SH3GL2: variants seen among roughly 807,000 people sequenced by gnomAD.
SH3GL2 encodes endophilin-A1.
In SH3GL2, 24 loss-of-function variants were observed where a neutral mutation model predicts 46.0. The ratio of observed to expected loss-of-function variants is 0.52; its 90% CI spans 0.38 to 0.73. SH3GL2 has a LOEUF of 0.73. SH3GL2 is among the 30% of genes least tolerant of loss of function. SH3GL2 has a pLI of 0.00. For synonymous variants in SH3GL2, 196 were observed against 147.1 expected (o/e 1.33, Z -2.40); for missense variants, 413 against 424.2 (o/e 0.97, Z 0.23).
At chr9:17,672,204 A>G (rs774489129) in intron 1 of SH3GL2, among the ~76,000 whole-genome samples, 5 of 152,178 alleles carry the variant, frequency 3.3e-5, no homozygotes, top group African/African-American at 7.2e-5. Flanking sequence ...GTGCATACAG[A>G]TATGTATGTA....
intron 1 of SH3GL2, among the ~76,000 whole-genome samples, chr9:17,654,371 G>T (rs993025933): frequency 2.6e-5 from 4 of 152,090 alleles, no homozygotes; most frequent in Admixed American, 6.6e-5. Flanking sequence ...GGGGATTGTC[G>T]TATTGTTTTG....
chr9:17,694,748 A>G (rs554604170), intron 1 of SH3GL2, among the ~76,000 whole-genome samples: 1 of 152,278 alleles, frequency 6.6e-6, no homozygotes, highest in South Asian at 2.1e-4. Flanking sequence ...GTAAAATGGG[A>G]ATGGTGATTT....
intron 1 of SH3GL2, among the ~76,000 whole-genome samples, chr9:17,580,071 A>G (rs1048448458): frequency 3.9e-5 from 6 of 152,196 alleles, no homozygotes; most frequent in Non-Finnish European, 8.8e-5. Flanking sequence ...AATAAAACTG[A>G]TTAATTTAGA....
chr9:17,602,041 C>T (rs937607198), intron 1 of SH3GL2, among the ~76,000 whole-genome samples: 1 of 152,200 alleles, frequency 6.6e-6, no homozygotes, highest in Non-Finnish European at 1.5e-5. Context: ...AAACTTAACT[C>T]TTCCTTCCCG....
chr9:17,728,444 A>T (rs1822080430), intron 1 of SH3GL2, among the ~76,000 whole-genome samples: 1 of 151,822 alleles, frequency 6.6e-6, no homozygotes. Flanking sequence ...TCTGAATTTT[A>T]TTTTTAAATT....
chr9:17,777,820 G>T (rs7033164), intron 3 of SH3GL2, among the ~76,000 whole-genome samples: 1,837 of 152,048 alleles, frequency 0.012, 48 homozygotes, highest in African/African-American at 0.042. Flanking sequence ...ATTACATTGG[G>T]TATTGGGGTT....
intron 2 of SH3GL2, 105 bp from the exon 3 acceptor site, chr9:17,761,332 C>T: frequency 8.1e-6 from 6 of 742,592 alleles, no homozygotes; most frequent in Admixed American, 3.8e-5. Context: ...GGGACTTGTC[C>T]GGGGCTCTGT....
intron 1 of SH3GL2, among the ~76,000 whole-genome samples, chr9:17,586,579 C>T (rs1818381528): frequency 6.6e-6 from 1 of 152,138 alleles, no homozygotes; most frequent in South Asian, 2.1e-4. Context: ...CACAGTTCTG[C>T]ATGGCTAGGG....
intron 2 of SH3GL2, among the ~76,000 whole-genome samples, chr9:17,759,671 T>A (rs936534677): frequency 6.6e-6 from 1 of 152,176 alleles, no homozygotes; most frequent in Non-Finnish European, 1.5e-5. Context: ...ATGATTGTTA[T>A]AATTATTAAG....
chr9:17,608,672 A>T (rs752274172), intron 1 of SH3GL2, among the ~76,000 whole-genome samples: 18 of 152,178 alleles, frequency 1.2e-4, no homozygotes, highest in Non-Finnish European at 5.9e-5. Flanking sequence ...AGATGCTTTC[A>T]TGATTCTTCA....
At chr9:17,675,613 T>G (rs999451691) in intron 1 of SH3GL2, among the ~76,000 whole-genome samples, 3 of 152,226 alleles carry the variant, frequency 2.0e-5, no homozygotes, top group African/African-American at 7.2e-5. Context: ...ACATGCTGTA[T>G]CCAGCACTGT....
At chr9:17,651,215 A>G (rs1563798211) in intron 1 of SH3GL2, among the ~76,000 whole-genome samples, 1 of 151,920 alleles carries the variant, frequency 6.6e-6, no homozygotes, top group South Asian at 2.1e-4. Context: ...CTCCATGTAT[A>G]TTTTTAGATT....
At chr9:17,597,186 T>G (rs1818588256) in intron 1 of SH3GL2, among the ~76,000 whole-genome samples, 1 of 152,216 alleles carries the variant, frequency 6.6e-6, no homozygotes, top group Non-Finnish European at 1.5e-5. Flanking sequence ...GCTGCAAAAC[T>G]TCGGGTTTTG....
chr9:17,739,450 C>G (rs1461495287), intron 1 of SH3GL2, among the ~76,000 whole-genome samples: 6 of 151,878 alleles, frequency 4.0e-5, no homozygotes, highest in African/African-American at 1.5e-4. Context: ...TTTTCTGTAA[C>G]TTCAATGGCT....
intron 1 of SH3GL2, among the ~76,000 whole-genome samples, chr9:17,697,741 C>G (rs1376318110): frequency 6.6e-6 from 1 of 152,144 alleles, no homozygotes; most frequent in Non-Finnish European, 1.5e-5. Flanking sequence ...TGGAATGCAC[C>G]AAGGAATATT....
At chr9:17,777,856 A>T (rs929175461) in intron 3 of SH3GL2, among the ~76,000 whole-genome samples, 1 of 152,050 alleles carries the variant, frequency 6.6e-6, no homozygotes, top group Admixed American at 6.6e-5. Flanking sequence ...GGGGAGGACA[A>T]ATAGCAGTCT....
chr9:17,716,261 A>G (rs1161759784), intron 1 of SH3GL2, among the ~76,000 whole-genome samples: 4 of 152,024 alleles, frequency 2.6e-5, no homozygotes, highest in African/African-American at 9.7e-5. Flanking sequence ...TAGTTGTACG[A>G]TATTGTGAAT....
chr9:17,666,564 G>T (rs1249661178), intron 1 of SH3GL2, among the ~76,000 whole-genome samples: 1 of 135,010 alleles, frequency 7.4e-6, no homozygotes, highest in Admixed American at 7.5e-5. Context: ...GTGTGTGTGT[G>T]TGTGTGTGTG....
At position 17,691,586 on chromosome 9, in the gene SH3GL2, A is replaced by T. The variant is rs118012901; in HGVS notation, c.46-55480A>T. 4.0e-3 allele frequency among the ~76,000 whole-genome samples: 602 copies of T among 152,286 alleles called. 20 individuals are homozygous for T. The East Asian group carries it at 0.08, about 20-fold the overall frequency. On this transcript the variant is annotated intron_variant, in intron 1 of 8. Coordinates refer to ENST00000380607, the MANE Select transcript of SH3GL2 (RefSeq NM_003026.5). ...CCCACATGTTGAAACCAAAACACTC[A>T]GTTTATTGAACATATGAAATAAGAC...
Sources: allele counts gnomAD v4.1 joint callset (sites outside exome capture counted in the v4.1 genomes callset), GRCh38; gene constraint gnomAD v4.1.1; transcripts MANE v1.5; gene names NCBI Gene and HGNC (gene_info 2026-07-23, HGNC 2026-07-21).